The following INTS8 variants were observed in gnomAD, a reference collection of about 807,000 sequenced individuals.
INTS8 encodes the protein protein kaonashi-1.
Under a neutral mutation model 138.9 loss-of-function variants are expected in INTS8, and 47 were observed. That is an observed-to-expected ratio of 0.34 (90% CI 0.27 to 0.43). The LOEUF (loss-of-function observed/expected upper bound fraction) is 0.43. Ranked by LOEUF, INTS8 falls within the 20% of genes least tolerant of loss-of-function variation. The pLI is 1.00. For missense variants in INTS8, 996 were observed against 1,173.0 expected (o/e 0.85, Z 2.20); for synonymous variants, 392 against 400.9 (o/e 0.98, Z 0.27).
intron 16 of INTS8, among the ~76,000 whole-genome samples, chr8:94,860,886 C>T (rs1454761230): frequency 2.6e-5 from 4 of 151,196 alleles, no homozygotes; most frequent in Admixed American, 2.0e-4. Flanking sequence ...AAACCCCGTC[C>T]TTACTAAAAA....
chr8:94,842,875 GCTGTGGAAT>G (rs1222229432), intron 10 of INTS8, among the ~76,000 whole-genome samples: 1 of 152,122 alleles, frequency 6.6e-6, no homozygotes, highest in African/African-American at 2.4e-5. Context: ...TGTCATGTGT[GCTGTGGAAT>G]CTGTGTTTCT....
chr8:94,836,222 G>A (rs910934450), intron 6 of INTS8, among the ~76,000 whole-genome samples: 2 of 152,154 alleles, frequency 1.3e-5, no homozygotes, highest in African/African-American at 4.8e-5. Context: ...CCAGACTAGT[G>A]TTGGCTCTCA....
chr8:94,872,862 G>T (rs1041236324), intron 21 of INTS8, among the ~76,000 whole-genome samples: 8 of 152,048 alleles, frequency 5.3e-5, no homozygotes, highest in African/African-American at 1.9e-4. Context: ...TTTTTTAAAG[G>T]GAAAGTTCAA....
intron 10 of INTS8, 53 bp downstream of exon 10, chr8:94,842,541 C>A: frequency 7.0e-7 from 1 of 1,429,942 alleles, no homozygotes. Flanking sequence ...TTAAGCTTAC[C>A]AGTGACCTCT....
chr8:94,873,918 A>G (rs1010695672), intron 22 of INTS8, among the ~76,000 whole-genome samples: 2 of 152,032 alleles, frequency 1.3e-5, no homozygotes, highest in East Asian at 3.8e-4. Flanking sequence ...TGTGGATTCT[A>G]TCTCCTAAAT....
intron 21 of INTS8, among the ~76,000 whole-genome samples, chr8:94,872,907 C>T (rs1167910254): frequency 2.0e-5 from 3 of 152,110 alleles, no homozygotes; most frequent in African/African-American, 7.2e-5. Flanking sequence ...TGCTGAACAC[C>T]GTGGGTCTAC....
At position 94,823,580 on chromosome 8, in the gene INTS8, C is replaced by G; in HGVS notation, c.130+19C>G. The G allele has an allele frequency of 1.3e-6, 2 of 1,535,418 alleles. No homozygotes were observed. The highest frequency in any genetic ancestry group is 1.8e-6 in the Non-Finnish European group (2 of 1,138,530). On this transcript the variant is annotated intron_variant, in intron 1 of 26. Coordinates refer to ENST00000523731, the MANE Select transcript of INTS8 (RefSeq NM_017864.4). ...TGCCCGGGTGAGCGCGGCGCCTGCA[C>G]CTGGGGAGCGGGACCCGGCCACCGG...
intron 8 of INTS8, among the ~76,000 whole-genome samples, chr8:94,839,670 C>T (rs537508208): frequency 3.3e-5 from 5 of 152,152 alleles, no homozygotes; most frequent in Non-Finnish European, 5.9e-5. Flanking sequence ...AAGACTAGAG[C>T]TCTCTCAGTT....
rs770550901 is a variant in INTS8 at position 94,874,619 on chromosome 8, A to T, written c.2688+17A>T. 19 of 1,460,832 alleles carry T rather than the reference A, an allele frequency of 1.3e-5. No individual in the cohort carries two copies. In the East Asian group the frequency reaches 4.3e-4, roughly 33 times the overall value. The allele number at this position is 1,460,832 out of a possible 1,614,324, so 90.5% of individuals were successfully genotyped here. A position where few individuals can be genotyped will look rare whatever the true frequency, so the allele number is the denominator to read the frequency against. ...CACACACAGGTTAGTTTATAATATT[A>T]TGAAGTTGTTTTATTTTTACATATG... On this transcript the variant is annotated intron_variant, in intron 23 of 26. Coordinates refer to ENST00000523731, the MANE Select transcript of INTS8 (RefSeq NM_017864.4).
At chr8:94,835,498 G>A (rs1462179654) in intron 6 of INTS8, among the ~76,000 whole-genome samples, 13 of 152,118 alleles carry the variant, frequency 8.5e-5, no homozygotes, top group African/African-American at 2.9e-4. Flanking sequence ...GTATGTTACG[G>A]TAGACGTGCA....
intron 8 of INTS8, among the ~76,000 whole-genome samples, chr8:94,840,628 G>A (rs1277328107): frequency 6.7e-6 from 1 of 149,150 alleles, no homozygotes; most frequent in Non-Finnish European, 1.5e-5. Flanking sequence ...CACGATCTTG[G>A]TTCACTGCAA....
In INTS8 at chr8:94,857,736, A is replaced by G. The variant is rs111879703; in HGVS notation, c.1954+758A>G. Among the ~76,000 whole-genome samples, 212 of 152,288 alleles carry G rather than the reference A, an allele frequency of 1.4e-3. 4 individuals are homozygous for G. The highest frequency in any genetic ancestry group is 4.9e-3 in the African/African-American group (204 of 41,554). ...CTGTGTATGTCTGTGTTCTCTTCTT[A>G]CAAGGACACCAGTCATTGGATCTAA... is the stretch of plus-strand genomic sequence containing the variant. On this transcript the variant is annotated intron_variant, in intron 15 of 26. Transcript: ENST00000523731.
chr8:94,878,398 T>G (rs1407099054), intron 26 of INTS8, among the ~76,000 whole-genome samples: 3 of 152,224 alleles, frequency 2.0e-5, no homozygotes. Context: ...CTCATGGATG[T>G]TAAGAGTCTT....
At chr8:94,839,143 T>G (rs901410288) in intron 8 of INTS8, among the ~76,000 whole-genome samples, 1 of 152,174 alleles carries the variant, frequency 6.6e-6, no homozygotes. Flanking sequence ...ACACGGCAGT[T>G]GTTCTGGTGG....
At chr8:94,830,293 TCCATATTA>T (rs1814664331) in intron 5 of INTS8, among the ~76,000 whole-genome samples, 1 of 152,218 alleles carries the variant, frequency 6.6e-6, no homozygotes, top group African/African-American at 2.4e-5. Flanking sequence ...CCTACAATGT[TCCATATTA>T]CCATGTGAGG....
At chr8:94,827,854 G>A (rs973956295) in intron 4 of INTS8, 61 bp downstream of exon 4, 1 of 1,340,736 alleles carries the variant, frequency 7.5e-7, no homozygotes, top group Non-Finnish European at 1.1e-6. Flanking sequence ...AAAAATGTTT[G>A]CAAGTTTTTA....
At chr8:94,840,085 AT>A (rs1563648067) in intron 8 of INTS8, among the ~76,000 whole-genome samples, 1 of 152,184 alleles carries the variant, frequency 6.6e-6, no homozygotes, top group Non-Finnish European at 1.5e-5. Flanking sequence ...CATCTTTGAG[AT>A]TCATTACTTA....
At chr8:94,824,796 C>G (rs1164187208) in intron 1 of INTS8, 97 bp from the exon 2 acceptor site, 1 of 65,446 alleles carries the variant, frequency 1.5e-5, no homozygotes, top group Admixed American at 1.7e-4. Flanking sequence ...CCCCCCCCCC[C>G]ACCCACCCCC....
intron 14 of INTS8, among the ~76,000 whole-genome samples, chr8:94,855,040 G>A (rs1041091065): frequency 4.0e-5 from 6 of 151,540 alleles, no homozygotes; most frequent in South Asian, 2.1e-4. Flanking sequence ...GCCACTGCAC[G>A]TGGCTGGAAC....
Sources: gnomAD v4.1 joint callset for allele counts (sites outside exome capture counted in the v4.1 genomes callset) on GRCh38, gnomAD v4.1.1 for gene constraint, MANE v1.5 for transcripts, NCBI Gene and HGNC (gene_info 2026-07-23, HGNC 2026-07-21) for gene names.